The following ASB1 variants were observed in gnomAD, a reference collection of about 807,000 sequenced individuals.
ASB1 encodes ankyrin repeat and SOCS box protein 1.
Under a neutral mutation model 27.7 loss-of-function variants are expected in ASB1, and 18 were observed. The ratio of observed to expected loss-of-function variants is 0.65; its 90% CI spans 0.45 to 0.96. ASB1 has a LOEUF of 0.96. Ranked by LOEUF, ASB1 falls within the 50% of genes least tolerant of loss-of-function variation. The pLI is 0.00. For synonymous variants in ASB1, 189 were observed against 187.6 expected (o/e 1.01, Z -0.06); for missense variants, 397 against 451.7 (o/e 0.88, Z 1.10).
chr2:238,432,681 A>G (rs1003682457), intron 1 of ASB1, among the ~76,000 whole-genome samples: 3 of 152,170 alleles, frequency 2.0e-5, no homozygotes, highest in South Asian at 4.1e-4. Flanking sequence ...CCCAAATACC[A>G]GTACTAAGAT....
Position 238,446,620 on chromosome 2 carries a change from C to A in ASB1, c.*109C>A. On this transcript the variant is annotated 3_prime_UTR_variant, in exon 5 of 5. Transcript: ENST00000264607. The stretch of plus-strand genomic sequence containing the variant: ...GCTGGTCTCCTGATGGCTGTTGCTG[C>A]AGAAGATGTCCTCGTAGACTGTCAT... The A allele has an allele frequency of 7.1e-7, 1 of 1,407,948 alleles. No homozygotes were observed. Among genetic ancestry groups the A allele is most frequent in the Non-Finnish European group, 9.9e-7 (1 of 1,008,486 alleles). 87.2% of individuals were successfully genotyped at this position (1,407,948 alleles called of 1,614,324 possible).
In ASB1 at chr2:238,451,356, C is replaced by CA. The variant is rs1177483348; in HGVS notation, c.*4845_*4846insA. The CA allele has an allele frequency of 6.6e-6, 1 of 152,184 alleles. No individual in the cohort carries two copies. Among genetic ancestry groups the CA allele is most frequent in the Non-Finnish European group, 1.5e-5 (1 of 68,052 alleles). The allele number at this position is 152,184 out of a possible 1,614,324, so 9.4% of individuals were successfully genotyped here. ...TTGATTTCAAGATCTCTTAGATATA[C>CA]TAGGTAGTGTATGAATGTGCATAAA... On this transcript the variant is annotated 3_prime_UTR_variant, in exon 5 of 5. Coordinates refer to ENST00000264607, the MANE Select transcript of ASB1 (RefSeq NM_001040445.3).
chr2:238,435,664 C>G (rs778936371), intron 2 of ASB1, 47 bp from the exon 3 acceptor site: 2 of 1,561,604 alleles, frequency 1.3e-6, no homozygotes, highest in Non-Finnish European at 1.7e-6. Flanking sequence ...CAGCCCGTCC[C>G]TGTCCTGCGG....
At position 238,444,403 on chromosome 2, in the gene ASB1, C is replaced by A. The variant is rs1001325486; in HGVS notation, c.556C>A (p.Arg186=). 3.1e-6 allele frequency: 5 copies of A among 1,613,592 alleles called. No individual in the cohort carries two copies. The highest frequency in any genetic ancestry group is 4.2e-6 in the Non-Finnish European group (5 of 1,179,620). ...TCCTGATGTCCAGCCTCGATTCTCC[C>A]GGCGGCTCACCTCCTTGGTGGTCTG... The part of the protein sequence containing the change: ...LTPDVQPRFS[R]RLTSLVVCPL... The change falls in exon 4 of 5, where the codon CGG becomes AGG. Residue 186 remains arginine (R), a synonymous_variant. Transcript: ENST00000264607.
chr2:238,444,754 T>G, intron 4 of ASB1, 27 bp downstream of exon 4: 1 of 1,568,688 alleles, frequency 6.4e-7, no homozygotes, highest in Non-Finnish European at 8.6e-7. Flanking sequence ...CAGCTCTGAC[T>G]TGTGGGCTGG....
rs150689321 is a variant in ASB1 at position 238,430,212 on chromosome 2, T to C, written c.49+3093T>C. On this transcript the variant is annotated intron_variant, in intron 1 of 4. Coordinates refer to ENST00000264607, the MANE Select transcript of ASB1 (RefSeq NM_001040445.3). ...AGCATGAGACGTTGTTTGATGGCAT[T>C]TTACCCACAGTAGCGCTTCTTTAAA... Among the ~76,000 whole-genome samples, 16 of 152,304 alleles carry C rather than the reference T, an allele frequency of 1.1e-4. No individual in the cohort carries two copies. The East Asian group carries it at 3.1e-3, about 29-fold the overall frequency.
At chr2:238,428,407 C>G (rs1384222174) in intron 1 of ASB1, among the ~76,000 whole-genome samples, 1 of 152,208 alleles carries the variant, frequency 6.6e-6, no homozygotes, top group African/African-American at 2.4e-5. Flanking sequence ...GCTCTGGCCT[C>G]AGCCTCCCTA....
intron 4 of ASB1, 107 bp downstream of exon 4, chr2:238,444,834 A>C (rs867979291): frequency 4.7e-6 from 6 of 1,267,270 alleles, no homozygotes; most frequent in Middle Eastern, 2.8e-4. Flanking sequence ...CTTGGCCAAA[A>C]TCTTCAGTTA....
chr2:238,433,435 T>G, intron 1 of ASB1, 119 bp from the exon 2 acceptor site: 1 of 1,224,666 alleles, frequency 8.2e-7, no homozygotes, highest in Non-Finnish European at 1.1e-6. Flanking sequence ...ATTTATTTCT[T>G]GAGCATTTGA....
chr2:238,444,664 C>T lies in ASB1; in HGVS notation c.817C>T (p.Pro273Ser). 1.2e-6 allele frequency: 2 copies of T among 1,614,058 alleles called. No homozygotes were observed. The highest frequency in any genetic ancestry group is 1.7e-6 in the Non-Finnish European group (2 of 1,180,014). The change falls in exon 4 of 5, where the codon CCA (proline) becomes TCA (serine). Residue 273 changes from proline (P) to serine (S), a missense_variant. Pro to Ser is a moderately conservative substitution (Grantham distance 74). Coordinates refer to ENST00000264607, the MANE Select transcript of ASB1 (RefSeq NM_001040445.3). ...TCTAGTGAAGTGGGAATCGCTGGGC[C>T]CAGAGTCGAGAGGAAGAAGAAAAGT... ...LNLVKWESLG[P>S]ESRGRRKVDP...
intron 1 of ASB1, among the ~76,000 whole-genome samples, chr2:238,430,090 A>G (rs1018798614): frequency 6.6e-6 from 1 of 152,232 alleles, no homozygotes; most frequent in African/African-American, 2.4e-5. Context: ...TTGCTCCAGT[A>G]TTGATGGCTC....
chr2:238,434,276 A>G (rs77581802), intron 2 of ASB1, among the ~76,000 whole-genome samples: 1,822 of 152,288 alleles, frequency 0.012, 34 homozygotes, highest in African/African-American at 0.041. Flanking sequence ...CTTCGCAGCA[A>G]GTGATGCTTG....
At chr2:238,440,706 G>A (rs1305407598) in intron 3 of ASB1, among the ~76,000 whole-genome samples, 5 of 146,130 alleles carry the variant, frequency 3.4e-5, no homozygotes, top group Admixed American at 6.7e-5. Context: ...AACCCTAAAC[G>A]TCTGATAGAG....
chr2:238,432,633 C>T (rs1376714437), intron 1 of ASB1, among the ~76,000 whole-genome samples: 1 of 152,196 alleles, frequency 6.6e-6, no homozygotes, highest in Non-Finnish European at 1.5e-5. Flanking sequence ...AAGGAGATGA[C>T]TATGTTCTCC....
In ASB1 at chr2:238,433,624, G is replaced by A. The variant is rs753207278; in HGVS notation, c.120G>A (p.Arg40=). The A allele has an allele frequency of 6.2e-7, 1 of 1,614,142 alleles. No homozygotes were observed. The highest frequency in any genetic ancestry group is 1.1e-5 in the South Asian group (1 of 91,076). ...CGCTGGAGCACTGTGAGGACACGAG[G>A]CTCCATGATGCAGCTTACGTCGGGG... ...DHPLEHCEDT[R]LHDAAYVGDL... Residue 40 remains arginine (R), a synonymous_variant, in exon 2 of 5, where the codon AGG becomes AGA. Transcript: ENST00000264607.
In ASB1 at chr2:238,451,250, G is replaced by C. The variant is rs1702279095; in HGVS notation, c.*4739G>C. On this transcript the variant is annotated 3_prime_UTR_variant, in exon 5 of 5. Coordinates refer to ENST00000264607, the MANE Select transcript of ASB1 (RefSeq NM_001040445.3). ...CAGTGGGATGGAGAAGTGAGTGGGG[G>C]CAGGAGGGGGATTTCTGTTGCCTTG... 6.6e-6 allele frequency: 1 copy of C among 152,284 alleles called. No homozygotes were observed. The highest frequency in any genetic ancestry group is 2.1e-4 in the South Asian group (1 of 4,832). 9.4% of individuals were successfully genotyped at this position (152,284 alleles called of 1,614,324 possible). A position where few individuals can be genotyped will look rare whatever the true frequency, so the allele number is the denominator to read the frequency against.
At chr2:238,439,466 C>T (rs574351894) in intron 3 of ASB1, among the ~76,000 whole-genome samples, 15 of 152,278 alleles carry the variant, frequency 9.9e-5, no homozygotes, top group African/African-American at 3.4e-4. Context: ...GCTGGCCTTA[C>T]CTGTTGGCGA....
At chr2:238,441,397 A>G (rs979528397) in intron 3 of ASB1, among the ~76,000 whole-genome samples, 38 of 152,262 alleles carry the variant, frequency 2.5e-4, no homozygotes, top group African/African-American at 9.1e-4. Flanking sequence ...GGCCTCCTGA[A>G]GCGCTGGGAT....
intron 3 of ASB1, among the ~76,000 whole-genome samples, chr2:238,438,199 ATTTT>A (rs57391955): frequency 1.0e-5 from 1 of 98,196 alleles, no homozygotes; most frequent in African/African-American, 4.1e-5. Context: ...GATGCCCTTC[ATTTT>A]TTTTTTTTTT....
Sources: gnomAD v4.1 joint callset for allele counts (sites outside exome capture counted in the v4.1 genomes callset) on GRCh38, gnomAD v4.1.1 for gene constraint, MANE v1.5 for transcripts, NCBI Gene and HGNC (gene_info 2026-07-23, HGNC 2026-07-21) for gene names.